ABHD18: variants seen among roughly 807,000 people sequenced by gnomAD.
The protein encoded by ABHD18 is abhydrolase domain containing 18, also known as cardiolipin-specific deacylase, mitochondrial.
Under a neutral mutation model 65.9 loss-of-function variants are expected in ABHD18, and 55 were observed. The observed-to-expected ratio is 0.84, with a 90% CI of 0.67 to 1.05. The LOEUF (loss-of-function observed/expected upper bound fraction) is 1.05, where lower values mean the gene tolerates loss of function less well. Ranked by LOEUF, ABHD18 falls within the 50% of genes least tolerant of loss-of-function variation. ABHD18 has a pLI of 0.00. For missense variants in ABHD18, 533 were observed against 558.5 expected (o/e 0.95, Z 0.46); for synonymous variants, 181 against 180.2 (o/e 1.00, Z -0.04).
At chr4:128,020,350 G>A (rs1402251544) in intron 9 of ABHD18, among the ~76,000 whole-genome samples, 181 bp downstream of exon 9, 1 of 152,164 alleles carries the variant, frequency 6.6e-6, no homozygotes, top group Non-Finnish European at 1.5e-5. Context: ...TCAACAGAAG[G>A]AAAAAGCGCA....
At chr4:127,971,240 GCAAGAC>G (rs969461808) in intron 1 of ABHD18, among the ~76,000 whole-genome samples, 2 of 141,988 alleles carry the variant, frequency 1.4e-5, no homozygotes, top group African/African-American at 5.3e-5. Flanking sequence ...GGGCAACAGA[GCAAGAC>G]CCTGTCTCAA....
chr4:128,007,477 C>T (rs1753794915), intron 4 of ABHD18, among the ~76,000 whole-genome samples: 1 of 151,980 alleles, frequency 6.6e-6, no homozygotes, highest in Admixed American at 6.5e-5. Flanking sequence ...TGCAATGACT[C>T]ATGCCTGTAA....
intron 1 of ABHD18, among the ~76,000 whole-genome samples, chr4:127,974,989 CTG>C (rs1269042958): frequency 5.5e-5 from 4 of 72,504 alleles, no homozygotes; most frequent in East Asian, 3.3e-4. Flanking sequence ...AGAGCAAAAA[CTG>C]TGTCTCAAAA....
Position 128,028,618 on chromosome 4 carries a change from T to C in ABHD18, c.945T>C (p.His315=). The C allele has an allele frequency of 6.2e-7, 1 of 1,613,942 alleles. No homozygotes were observed. The highest frequency in any genetic ancestry group is 2.2e-5 in the East Asian group (1 of 44,866). ...TATCCCAAAAACCTGCTGACTGCCATAATTCTAGCAAAACATCTGTCAGTG... is the reference window on the plus strand; with the variant it reads ...TATCCCAAAAACCTGCTGACTGCCACAATTCTAGCAAAACATCTGTCAGTG... The part of the protein sequence containing the change: ...QVVSQKPADC[H]NSSKTSVSAT... Residue 315 remains histidine, a synonymous_variant, in exon 11 of 13, where the codon CAT becomes CAC. Coordinates refer to ENST00000645843, the MANE Select transcript of ABHD18 (RefSeq NM_001358451.3).
At chr4:128,004,999 C>T (rs539363841) in intron 4 of ABHD18, among the ~76,000 whole-genome samples, 111 of 152,260 alleles carry the variant, frequency 7.3e-4, no homozygotes, top group Non-Finnish European at 1.1e-3. Flanking sequence ...GAGGCCAAGG[C>T]GGGTGGATCA....
intron 4 of ABHD18, among the ~76,000 whole-genome samples, chr4:127,994,446 G>A (rs1751417525): frequency 6.6e-6 from 1 of 152,196 alleles, no homozygotes; most frequent in East Asian, 1.9e-4. Context: ...AATTAGCAGG[G>A]CATGATGGCG....
intron 3 of ABHD18, among the ~76,000 whole-genome samples, chr4:127,989,250 T>C (rs1466075188): frequency 6.6e-6 from 1 of 152,144 alleles, no homozygotes; most frequent in African/African-American, 2.4e-5. Flanking sequence ...GAAGAATAGA[T>C]TGATGATTAT....
intron 3 of ABHD18, among the ~76,000 whole-genome samples, chr4:127,986,785 A>G (rs1750037224): frequency 6.6e-6 from 1 of 152,152 alleles, no homozygotes; most frequent in Non-Finnish European, 1.5e-5. Context: ...GCTATGCCCT[A>G]ATGACTGTGA....
At chr4:128,001,846 G>GTTT in intron 4 of ABHD18, 4 of 1,060,708 alleles carry the variant, frequency 3.8e-6, no homozygotes, top group African/African-American at 2.1e-5. Context: ...GTTTTGTTTT[G>GTTT]TTTTTTTTTT....
chr4:128,033,086 T>C (rs921747838), intron 12 of ABHD18, among the ~76,000 whole-genome samples: 1 of 152,036 alleles, frequency 6.6e-6, no homozygotes, highest in Non-Finnish European at 1.5e-5. Flanking sequence ...ACCCTGTCTC[T>C]ACTAAAAATA....
chr4:128,021,060 A>C, intron 9 of ABHD18, 77 bp from the exon 10 acceptor site: 1 of 844,500 alleles, frequency 1.2e-6, no homozygotes, highest in Non-Finnish European at 1.8e-6. Flanking sequence ...AGGTAGTCTC[A>C]CACAGTAATA....
intron 12 of ABHD18, among the ~76,000 whole-genome samples, chr4:128,033,024 C>T (rs1431313455): frequency 1.3e-5 from 2 of 152,086 alleles, no homozygotes; most frequent in Admixed American, 6.6e-5. Flanking sequence ...GAGGCCGAGG[C>T]GGGTGGATCA....
At chr4:127,996,134 C>A (rs2149099671) in intron 4 of ABHD18, among the ~76,000 whole-genome samples, 1 of 152,292 alleles carries the variant, frequency 6.6e-6, no homozygotes, top group Middle Eastern at 3.4e-3. Context: ...TTTACATGTG[C>A]TGGAAAACCA....
intron 7 of ABHD18, among the ~76,000 whole-genome samples, chr4:128,015,936 G>T (rs972835870): frequency 6.7e-6 from 1 of 149,370 alleles, no homozygotes; most frequent in Non-Finnish European, 1.5e-5. Context: ...GACCCAAAAA[G>T]ATATATTTAA....
intron 4 of ABHD18, among the ~76,000 whole-genome samples, chr4:128,006,956 A>G (rs1384291287): frequency 2.0e-5 from 3 of 151,844 alleles, no homozygotes; most frequent in Admixed American, 2.0e-4. Flanking sequence ...GACCAGCCTG[A>G]CTAACATGGA....
chr4:128,001,906 A>G (rs1752705059), intron 4 of ABHD18: 1 of 1,016,158 alleles, frequency 9.8e-7, no homozygotes, highest in Admixed American at 3.9e-5. Context: ...TGAAAAAAAC[A>G]GATAAATTTT....
chr4:127,984,856 G>A (rs139616367), intron 3 of ABHD18, among the ~76,000 whole-genome samples: 4,548 of 152,204 alleles, frequency 0.03, 299 homozygotes, highest in East Asian at 0.27. Flanking sequence ...GTGAAACTCC[G>A]TCTCAAAAAT....
Position 128,036,351 on chromosome 4 carries a change from T to A in ABHD18, c.*538T>A, listed in dbSNP as rs560107073. ...AGTGTTAACTTTGAATTCTAAAATA[T>A]CCTGATAGCTTCATAGATAAGTGCT... On this transcript the variant is annotated 3_prime_UTR_variant, in exon 13 of 13. Coordinates refer to ENST00000645843, the MANE Select transcript of ABHD18 (RefSeq NM_001358451.3). 2.0e-5 allele frequency: 3 copies of A among 152,356 alleles called. No individual in the cohort carries two copies. The South Asian group carries it at 6.2e-4, about 32-fold the overall frequency. The allele number at this position is 152,356 out of a possible 1,614,324, so 9.4% of individuals were successfully genotyped here.
intron 10 of ABHD18, among the ~76,000 whole-genome samples, chr4:128,022,523 G>A (rs1355883224): frequency 2.0e-5 from 3 of 152,066 alleles, no homozygotes. Flanking sequence ...TATGATATAA[G>A]CCTCTACTGA....
Sources: allele counts gnomAD v4.1 joint callset (sites outside exome capture counted in the v4.1 genomes callset), GRCh38; gene constraint gnomAD v4.1.1; transcripts MANE v1.5; gene names NCBI Gene and HGNC (gene_info 2026-07-23, HGNC 2026-07-21).